Variants in TAF7L observed in about 807,000 individuals in gnomAD.
The protein encoded by TAF7L is TATA-box binding protein associated factor 7 like, also known as transcription initiation factor TFIID subunit 7-like.
Under a neutral mutation model 30.2 loss-of-function variants are expected in TAF7L, and 6 were observed. The observed-to-expected ratio is 0.20, with a 90% CI of 0.11 to 0.39. The LOEUF (loss-of-function observed/expected upper bound fraction) is 0.39, where lower values mean the gene tolerates loss of function less well. Among genes scored for constraint, TAF7L ranks in the 10% least tolerant of loss-of-function variants. The pLI is 1.00. For synonymous variants in TAF7L, 93 were observed against 94.5 expected, an observed-to-expected ratio of 0.98 and a Z score of 0.09; for missense variants, 284 against 277.1, an observed-to-expected ratio of 1.03 and a Z score of -0.18.
chrX:101,291,691 C>G (rs898786077), upstream of TAF7L, among the ~76,000 whole-genome samples: 5 of 108,554 alleles, frequency 4.6e-5, no homozygotes, highest in African/African-American at 1.7e-4. Flanking sequence ...ATGATGAAAC[C>G]CCCGTCTCTA....
In TAF7L at chrX:101,275,908, G is replaced by C. The variant is rs1040949551; in HGVS notation, c.1026+92C>G. 6.9e-5 allele frequency: 43 copies of C among 624,002 alleles called. No homozygotes were observed. The African/African-American group carries it at 9.2e-4, about 13-fold the overall frequency. The allele number at this position is 624,002 out of a possible 1,213,427, so 51.4% of individuals were successfully genotyped here. ...GCTGTTTAGGTTCATGAATGAACAA[G>C]AACCCTGCACAGAGATAACATAAGT... is the stretch of plus-strand genomic sequence containing the variant. On this transcript the variant is annotated intron_variant, in intron 11 of 12. Transcript: ENST00000356784.
At chrX:101,288,455 C>CT (rs58220003) in intron 1 of TAF7L, among the ~76,000 whole-genome samples, 22,708 of 94,057 alleles carry the variant, frequency 0.24, 2,538 homozygotes, top group Admixed American at 0.36. Context: ...GAATCCAGTT[C>CT]TTTTTTTTTT....
chrX:101,278,623 C>T (rs1342510808), intron 7 of TAF7L, among the ~76,000 whole-genome samples: 3 of 112,263 alleles, frequency 2.7e-5, no homozygotes, highest in East Asian at 5.6e-4. Context: ...CCACAGCAAC[C>T]AATTTGTTGT....
intron 2 of TAF7L, among the ~76,000 whole-genome samples, chrX:101,287,018 C>T (rs1250345329): frequency 8.9e-6 from 1 of 112,148 alleles, no homozygotes; most frequent in Non-Finnish European, 1.9e-5. Context: ...CTTAATATAG[C>T]TGCCTAGACT....
At chrX:101,287,642 A>G in intron 1 of TAF7L, 97 bp from the exon 2 acceptor site, 1 of 599,989 alleles carries the variant, frequency 1.7e-6, no homozygotes, top group South Asian at 2.9e-5. Flanking sequence ...GCTAAATTAT[A>G]CAAGATCTTG....
intron 8 of TAF7L, 36 bp from the exon 9 acceptor site, chrX:101,277,755 G>A: frequency 9.9e-7 from 1 of 1,005,778 alleles, no homozygotes; most frequent in African/African-American, 1.9e-5. Context: ...AACACAGAAG[G>A]AAACAAAAAG....
upstream of TAF7L, chrX:101,292,763 G>C (rs758901766): frequency 2.5e-6 from 3 of 1,196,740 alleles, no homozygotes; most frequent in South Asian, 5.4e-5. Context: ...TCCTCGGCTG[G>C]GGGAACAAGC....
At chrX:101,278,871 G>A (rs1924306762) in intron 7 of TAF7L, 123 bp downstream of exon 7, 1 of 584,093 alleles carries the variant, frequency 1.7e-6, no homozygotes. Flanking sequence ...TAGGATGAGG[G>A]TTAGAGGTGA....
upstream of TAF7L, among the ~76,000 whole-genome samples, chrX:101,292,248 A>AT: frequency 2.7e-5 from 1 of 36,977 alleles, no homozygotes; most frequent in Admixed American, 3.1e-4. Flanking sequence ...CAAAAAAAAA[A>AT]AAATAAATAA....
chrX:101,271,396 A>G (rs139217069), intron 12 of TAF7L, among the ~76,000 whole-genome samples: 15 of 112,327 alleles, frequency 1.3e-4, no homozygotes, highest in Middle Eastern at 4.7e-3. Context: ...AGTATAGTCT[A>G]TCGTTCCTAG....
intron 12 of TAF7L, 117 bp from the exon 13 acceptor site, chrX:101,269,354 G>T: frequency 1.6e-6 from 1 of 637,835 alleles, no homozygotes; most frequent in Non-Finnish European, 2.5e-6. Context: ...CATTTATAAG[G>T]TTATCTTAGT....
chrX:101,275,193 T>C, intron 12 of TAF7L, 29 bp downstream of exon 12: 4 of 1,085,062 alleles, frequency 3.7e-6, no homozygotes, highest in Non-Finnish European at 5.1e-6. Flanking sequence ...TCAAATGTTT[T>C]CTGGTTAATT....
Position 101,278,143 on chromosome X carries a change from G to C in TAF7L, c.505-22C>G, listed in dbSNP as rs1222957537. Reference sequence around the variant, plus strand: ...TGTACTGAAGCAAAGTTGGGGATTAGAGGGGGATACCAATACTGTCATTTA... The same window carrying C: ...TGTACTGAAGCAAAGTTGGGGATTACAGGGGGATACCAATACTGTCATTTA... On this transcript the variant is annotated intron_variant, in intron 7 of 12. Transcript: ENST00000356784. 3.5e-6 allele frequency: 4 copies of C among 1,158,596 alleles called. No individual in the cohort carries two copies. In the Admixed American group the frequency reaches 6.6e-5, roughly 19 times the overall value.
At chrX:101,275,093 C>T in intron 12 of TAF7L, 129 bp downstream of exon 12, 1 of 523,324 alleles carries the variant, frequency 1.9e-6, no homozygotes. Context: ...TTCCACCCTG[C>T]TACCTTCATT....
chrX:101,276,910 A>G (rs754047849), intron 9 of TAF7L, among the ~76,000 whole-genome samples: 1 of 108,672 alleles, frequency 9.2e-6, no homozygotes, highest in African/African-American at 3.4e-5. Context: ...CGGGCAGAAC[A>G]CTTGAAGCCA....
upstream of TAF7L, among the ~76,000 whole-genome samples, chrX:101,292,233 C>T (rs1311373679): frequency 2.9e-5 from 2 of 67,853 alleles, no homozygotes; most frequent in Admixed American, 1.8e-4. Flanking sequence ...AGCGAGACTC[C>T]GTCTCAAAAA....
intron 2 of TAF7L, 112 bp from the exon 3 acceptor site, chrX:101,286,765 A>G: frequency 2.0e-6 from 1 of 507,393 alleles, no homozygotes; most frequent in Non-Finnish European, 3.3e-6. Flanking sequence ...CACCTCCCAA[A>G]TGTTACTAAC....
chrX:101,289,780 G>T (rs1482246144), intron 1 of TAF7L, among the ~76,000 whole-genome samples: 1 of 109,492 alleles, frequency 9.1e-6, no homozygotes, highest in Admixed American at 9.7e-5. Flanking sequence ...GTAGAGACAG[G>T]GTTTCACCAT....
chrX:101,276,944 A>G (rs5991960), intron 9 of TAF7L, among the ~76,000 whole-genome samples: 36,457 of 105,194 alleles, frequency 0.35, 4,679 homozygotes, highest in Middle Eastern at 0.36. Context: ...AGCCTGGCCA[A>G]CATGGCAAAA....
Sources: allele counts gnomAD v4.1 joint callset (sites outside exome capture counted in the v4.1 genomes callset), GRCh38; gene constraint gnomAD v4.1.1; transcripts MANE v1.5; gene names NCBI Gene and HGNC (gene_info 2026-07-23, HGNC 2026-07-21).